The following SEMA5A variants were observed in gnomAD, a reference collection of about 807,000 sequenced individuals.
SEMA5A encodes semaphorin-5A.
SEMA5A carries 55 observed loss-of-function variants against 135.5 expected under a neutral mutation model. That is an observed-to-expected ratio of 0.41 (90% CI 0.33 to 0.51). The LOEUF is 0.51. Among genes scored for constraint, SEMA5A ranks in the 20% least tolerant of loss-of-function variants. The pLI is 0.37. For synonymous variants in SEMA5A, 580 were observed against 546.5 expected, an observed-to-expected ratio of 1.06 and a Z score of -0.85; for missense variants, 1,290 against 1,419.9, an observed-to-expected ratio of 0.91 and a Z score of 1.47.
At chr5:9,248,427 T>C (rs1748586384) in intron 5 of SEMA5A, among the ~76,000 whole-genome samples, 1 of 152,190 alleles carries the variant, frequency 6.6e-6, no homozygotes, top group South Asian at 2.1e-4. Context: ...ATTAATTGCC[T>C]ACACCAATTA....
intron 1 of SEMA5A, among the ~76,000 whole-genome samples, chr5:9,521,574 T>G (rs1417580688): frequency 1.3e-5 from 2 of 152,196 alleles, no homozygotes; most frequent in Non-Finnish European, 2.9e-5. Flanking sequence ...GAGTCAGGAT[T>G]TAACACCGCT....
chr5:9,460,392 G>A (rs530032578), intron 1 of SEMA5A, among the ~76,000 whole-genome samples: 1 of 152,158 alleles, frequency 6.6e-6, no homozygotes, highest in South Asian at 2.1e-4. Flanking sequence ...AAAGATGCAA[G>A]TCTATTTCAA....
chr5:9,488,880 T>G (rs1411106203), intron 1 of SEMA5A, among the ~76,000 whole-genome samples: 2 of 152,228 alleles, frequency 1.3e-5, no homozygotes, highest in Non-Finnish European at 2.9e-5. Flanking sequence ...TAATATGGAC[T>G]ATTTTCCTGT....
intron 4 of SEMA5A, among the ~76,000 whole-genome samples, chr5:9,325,657 A>G (rs1208110066): frequency 6.6e-6 from 1 of 152,138 alleles, no homozygotes; most frequent in East Asian, 1.9e-4. Context: ...GCATTAAAGA[A>G]AAGGTTGAGC....
intron 1 of SEMA5A, among the ~76,000 whole-genome samples, chr5:9,449,936 GA>G: frequency 6.6e-6 from 1 of 152,288 alleles, no homozygotes; most frequent in East Asian, 1.9e-4. Context: ...TCCTCCTTAG[GA>G]GGTTTTCTAG....
chr5:9,494,718 T>A (rs1162934155), intron 1 of SEMA5A, among the ~76,000 whole-genome samples: 2 of 152,152 alleles, frequency 1.3e-5, no homozygotes, highest in East Asian at 3.8e-4. Flanking sequence ...ATCTTTTAGA[T>A]GAAAAAACAC....
At chr5:9,057,417 C>T (rs1736952768) in intron 18 of SEMA5A, among the ~76,000 whole-genome samples, 1 of 152,208 alleles carries the variant, frequency 6.6e-6, no homozygotes, top group Non-Finnish European at 1.5e-5. Context: ...ATATTCCAAA[C>T]AATATTTATT....
At chr5:9,156,353 C>G (rs771065183) in intron 11 of SEMA5A, among the ~76,000 whole-genome samples, 2 of 152,148 alleles carry the variant, frequency 1.3e-5, no homozygotes, top group Non-Finnish European at 2.9e-5. Flanking sequence ...AAGGAACTAA[C>G]AGGGACAAGA....
At chr5:9,188,915 C>G (rs958323494) in intron 11 of SEMA5A, among the ~76,000 whole-genome samples, 5 of 152,226 alleles carry the variant, frequency 3.3e-5, no homozygotes, top group Non-Finnish European at 2.9e-5. Flanking sequence ...TTCCATCTGA[C>G]TTCGGCCAGT....
intron 2 of SEMA5A, among the ~76,000 whole-genome samples, chr5:9,435,500 G>C (rs878883617): frequency 6.6e-6 from 1 of 152,128 alleles, no homozygotes; most frequent in Non-Finnish European, 1.5e-5. Flanking sequence ...AAGGGGTAAG[G>C]TTTGCAGTTA....
In SEMA5A at chr5:9,124,036, G is replaced by A. The variant is rs549944671; in HGVS notation, c.1600-1199C>T. ...CTGGCAAGGATGAAGGCAGAGGAAT[G>A]AGGCTGCCAAATGCAAAGGGCACAT... On this transcript the variant is annotated intron_variant, in intron 13 of 22. Coordinates refer to ENST00000382496, the MANE Select transcript of SEMA5A (RefSeq NM_003966.3). 1.1e-4 allele frequency among the ~76,000 whole-genome samples: 16 copies of A among 152,294 alleles called. No homozygotes were observed. In the East Asian group the frequency reaches 3.1e-3, roughly 30 times the overall value.
chr5:9,455,128 T>G (rs1170391370), intron 1 of SEMA5A, among the ~76,000 whole-genome samples: 1 of 152,208 alleles, frequency 6.6e-6, no homozygotes, highest in Non-Finnish European at 1.5e-5. Context: ...CAGCATAAGA[T>G]GGGGCTTTAC....
chr5:9,178,749 T>C (rs960495534), intron 11 of SEMA5A, among the ~76,000 whole-genome samples: 1 of 152,222 alleles, frequency 6.6e-6, no homozygotes, highest in Non-Finnish European at 1.5e-5. Context: ...GGAGGAGCCA[T>C]TTAATTGAAA....
chr5:9,130,272 T>C (rs754750933), intron 13 of SEMA5A, among the ~76,000 whole-genome samples: 1 of 152,170 alleles, frequency 6.6e-6, no homozygotes, highest in Non-Finnish European at 1.5e-5. Flanking sequence ...TTAATTGAAG[T>C]CTTATTTTTC....
intron 1 of SEMA5A, among the ~76,000 whole-genome samples, chr5:9,504,473 C>T (rs529208375): frequency 3.3e-5 from 5 of 152,228 alleles, no homozygotes; most frequent in East Asian, 1.9e-4. Flanking sequence ...CCCTTTCTTG[C>T]AGAACGTGGA....
intron 14 of SEMA5A, among the ~76,000 whole-genome samples, chr5:9,119,428 T>C (rs2150178824): frequency 6.6e-6 from 1 of 152,270 alleles, no homozygotes; most frequent in Admixed American, 6.5e-5. Flanking sequence ...AAAACTTGAG[T>C]CATGAAAATA....
chr5:9,479,445 G>A (rs1039983460), intron 1 of SEMA5A, among the ~76,000 whole-genome samples: 29 of 152,130 alleles, frequency 1.9e-4, no homozygotes, highest in Admixed American at 1.8e-3. Flanking sequence ...GCGATGGCGG[G>A]ATAGTGGGCA....
chr5:9,536,920 T>C (rs1737800252), intron 1 of SEMA5A, among the ~76,000 whole-genome samples: 1 of 152,198 alleles, frequency 6.6e-6, no homozygotes, highest in Non-Finnish European at 1.5e-5. Context: ...CACAAGGCAT[T>C]GGACATGGGC....
intron 16 of SEMA5A, among the ~76,000 whole-genome samples, chr5:9,090,988 T>C (rs1314741940): frequency 6.6e-6 from 1 of 152,202 alleles, no homozygotes; most frequent in Non-Finnish European, 1.5e-5. Flanking sequence ...GGAGGCCTGT[T>C]GTAAGTAGTT....
Sources: gnomAD v4.1 joint callset for allele counts (sites outside exome capture counted in the v4.1 genomes callset) on GRCh38, gnomAD v4.1.1 for gene constraint, MANE v1.5 for transcripts, NCBI Gene and HGNC (gene_info 2026-07-23, HGNC 2026-07-21) for gene names.